Variants in GSDMC observed in about 807,000 individuals in gnomAD.
GSDMC encodes gasdermin-C.
Under a neutral mutation model 58.0 loss-of-function variants are expected in GSDMC, and 59 were observed. The observed-to-expected ratio is 1.02, with a 90% confidence interval of 0.82 to 1.26. The LOEUF (loss-of-function observed/expected upper bound fraction) is 1.26, where lower values mean the gene tolerates loss of function less well. Ranked by LOEUF, GSDMC falls within the 50% of genes most tolerant of loss-of-function variation. The pLI is 0.00. For synonymous variants in GSDMC, 241 were observed against 220.2 expected (o/e 1.09, Z -0.83); for missense variants, 659 against 598.5 (o/e 1.10, Z -1.06).
downstream of GSDMC, among the ~76,000 whole-genome samples, chr8:129,746,405 A>G (rs1382988308): frequency 6.6e-6 from 1 of 152,206 alleles, no homozygotes; most frequent in East Asian, 1.9e-4. Flanking sequence ...ATCTCAGAGA[A>G]TGCAGACGAA....
At chr8:129,738,456 C>T in the GSDMC span, among the ~76,000 whole-genome samples, 2 of 152,314 alleles carry the variant, frequency 1.3e-5, no homozygotes, top group East Asian at 3.9e-4. Flanking sequence ...ACATATACAA[C>T]ATGGAATACT....
At chr8:129,744,783 T>G (rs1217145537), downstream of GSDMC, among the ~76,000 whole-genome samples, 2 of 152,226 alleles carry the variant, frequency 1.3e-5, no homozygotes, top group Non-Finnish European at 2.9e-5. Context: ...TACATCCCCC[T>G]TGTCATATGG....
At chr8:129,777,346 C>T in intron 2 of GSDMC, 22 bp downstream of exon 2, 1 of 1,476,336 alleles carries the variant, frequency 6.8e-7, no homozygotes, top group Non-Finnish European at 9.5e-7. Context: ...CCCTCACCTC[C>T]TTGGCCTCTG....
At chr8:129,781,781 A>T (rs1586624316) in intron 1 of GSDMC, among the ~76,000 whole-genome samples, 1 of 152,100 alleles carries the variant, frequency 6.6e-6, no homozygotes, top group South Asian at 2.1e-4. Flanking sequence ...AGAGACTTCA[A>T]CATCTCACTT....
chr8:129,750,123 T>C lies in GSDMC; in HGVS notation c.1084-4A>G, dbSNP rs765434840. 9 of 1,557,602 alleles carry C rather than the reference T, an allele frequency of 5.8e-6. No individual in the cohort carries two copies. Among genetic ancestry groups the C allele is most frequent in the South Asian group, 2.4e-5 (2 of 81,818 alleles). Reference sequence around the variant, plus strand: ...GACCTGAGCTGTCCAATTCCAGCTATAGAAGACAGGTATTATTGTTAATAA... The same window carrying C: ...GACCTGAGCTGTCCAATTCCAGCTACAGAAGACAGGTATTATTGTTAATAA... On this transcript the variant is annotated splice_polypyrimidine_tract_variant and splice_region_variant and intron_variant, in intron 11 of 13. Coordinates refer to ENST00000276708, the MANE Select transcript of GSDMC (RefSeq NM_031415.3).
intron 10 of GSDMC, 93 bp from the exon 11 acceptor site, chr8:129,750,663 CA>C (rs2033154058): frequency 7.8e-7 from 1 of 1,278,826 alleles, no homozygotes; most frequent in African/African-American, 1.5e-5. Context: ...GAATATGAAC[CA>C]AACTCCTCTA....
intron 6 of GSDMC, among the ~76,000 whole-genome samples, chr8:129,753,214 C>T (rs889835708): frequency 6.6e-6 from 1 of 152,198 alleles, no homozygotes; most frequent in Non-Finnish European, 1.5e-5. Flanking sequence ...TCAGGCAGTG[C>T]AGCTCACAGA....
intron 6 of GSDMC, among the ~76,000 whole-genome samples, chr8:129,756,103 C>T (rs1404741643): frequency 2.7e-5 from 4 of 147,788 alleles, no homozygotes; most frequent in South Asian, 4.3e-4. Flanking sequence ...CTGTTACCTA[C>T]AAAAAACACA....
the GSDMC span, chr8:129,729,712 G>C: frequency 1.9e-6 from 1 of 526,342 alleles, no homozygotes; most frequent in Non-Finnish European, 3.4e-6. Flanking sequence ...GTCTATCATT[G>C]ATGGACATTT....
chr8:129,731,031 C>T, the GSDMC span, among the ~76,000 whole-genome samples: 4 of 152,060 alleles, frequency 2.6e-5, no homozygotes, highest in Admixed American at 2.6e-4. Flanking sequence ...AAACTTTAAA[C>T]ATAAAGTGGT....
the GSDMC span, among the ~76,000 whole-genome samples, chr8:129,722,031 G>A: frequency 6.6e-6 from 1 of 152,078 alleles, no homozygotes; most frequent in African/African-American, 2.4e-5. Flanking sequence ...CAGCTAGTTG[G>A]CCAAAAAAAT....
At chr8:129,716,530 G>T in the GSDMC span, among the ~76,000 whole-genome samples, 11 of 152,042 alleles carry the variant, frequency 7.2e-5, no homozygotes, top group Non-Finnish European at 1.6e-4. Flanking sequence ...GAGACAATGG[G>T]GTTTTCTAAA....
At chr8:129,771,728 C>A (rs572787198) in intron 3 of GSDMC, among the ~76,000 whole-genome samples, 2,113 of 141,010 alleles carry the variant, frequency 0.015, 57 homozygotes, top group African/African-American at 0.052. Flanking sequence ...AACTAGAAAT[C>A]ATAACAAGGA....
chr8:129,782,915 T>C (rs1247253646), intron 1 of GSDMC, among the ~76,000 whole-genome samples: 1 of 150,850 alleles, frequency 6.6e-6, no homozygotes, highest in Non-Finnish European at 1.5e-5. Flanking sequence ...AAAAAAAAAC[T>C]ACAAGCCAAT....
the GSDMC span, among the ~76,000 whole-genome samples, chr8:129,710,180 G>T: frequency 2.0e-5 from 3 of 152,176 alleles, no homozygotes; most frequent in Non-Finnish European, 4.4e-5. Context: ...TGCCAGCAGG[G>T]TGAGCATTAT....
intron 6 of GSDMC, 148 bp from the exon 7 acceptor site, chr8:129,752,968 T>G: frequency 2.2e-6 from 3 of 1,345,304 alleles, no homozygotes; most frequent in Non-Finnish European, 3.0e-6. Flanking sequence ...AAAGAGGAAT[T>G]GCCCATTCCT....
the GSDMC span, among the ~76,000 whole-genome samples, chr8:129,733,378 C>T: frequency 1.3e-5 from 2 of 152,246 alleles, no homozygotes; most frequent in African/African-American, 4.8e-5. Flanking sequence ...TCCCTGACCC[C>T]CATGTAGCCT....
chr8:129,765,989 G>T (rs757163259), intron 3 of GSDMC, among the ~76,000 whole-genome samples, 196 bp from the exon 4 acceptor site: 11 of 152,168 alleles, frequency 7.2e-5, no homozygotes, highest in Non-Finnish European at 1.6e-4. Context: ...AATGATGGTG[G>T]TTCGGGTGTG....
At chr8:129,744,626 A>T (rs531970284), downstream of GSDMC, among the ~76,000 whole-genome samples, 48 of 152,364 alleles carry the variant, frequency 3.2e-4, no homozygotes, top group African/African-American at 1.2e-3. Context: ...AGTCCTCAGG[A>T]ACTTAGTCTT....
Sources: gnomAD v4.1 joint callset for allele counts (sites outside exome capture counted in the v4.1 genomes callset) on GRCh38, gnomAD v4.1.1 for gene constraint, MANE v1.5 for transcripts, NCBI Gene and HGNC (gene_info 2026-07-23, HGNC 2026-07-21) for gene names.